The following RBM17 variants were observed in gnomAD, a reference collection of about 807,000 sequenced individuals.
RBM17 encodes the protein RNA binding motif protein 17, also known as splicing factor 45.
In RBM17, 7 loss-of-function variants were observed where a neutral mutation model predicts 53.2. The ratio of observed to expected loss-of-function variants is 0.13; its 90% CI spans 0.07 to 0.25. The LOEUF (loss-of-function observed/expected upper bound fraction) is 0.25, where lower values mean the gene tolerates loss of function less well. RBM17 is among the 10% of genes least tolerant of loss of function. The probability of loss-of-function intolerance (pLI) is 1.00; values close to 1 mark genes in which losing one functional copy is unlikely to be tolerated. For missense variants in RBM17, 257 were observed against 496.7 expected (o/e 0.52, Z 4.59); for synonymous variants, 167 against 178.1 (o/e 0.94, Z 0.50).
chr10:6,090,057 C>G (rs1217785277), intron 1 of RBM17: 1 of 152,252 alleles, frequency 6.6e-6, no homozygotes, highest in Admixed American at 6.6e-5. Context: ...CCCCGTAGTG[C>G]GTTCTGGAAG....
In RBM17 at chr10:6,112,416, C is replaced by G; in HGVS notation, c.856+55C>G. On this transcript the variant is annotated intron_variant, in intron 8 of 11. Transcript: ENST00000379888. The surrounding 1 kb of genome is among the most constrained non-coding windows in gnomAD (Gnocchi z 4.4). ...GGGAAAGGACTGGCCCCATCCATATCAGACATGGCCAGTCTTGATCCTCAT... is the reference window on the plus strand; with the variant it reads ...GGGAAAGGACTGGCCCCATCCATATGAGACATGGCCAGTCTTGATCCTCAT... The G allele has an allele frequency of 1.3e-6, 2 of 1,591,644 alleles. No homozygotes were observed. The highest frequency in any genetic ancestry group is 1.7e-6 in the Non-Finnish European group (2 of 1,163,060).
rs1554834988 is a variant in RBM17 at position 6,098,563 on chromosome 10, G to GTGTTTTTTT, written c.123+1376_123+1377insGTTTTTTTT. ...AATTTCCGTAATACACAGGTTTTTTGTTTTTTTTTTTTTTTTTTTTTTTTT... is the reference window on the plus strand; with the variant it reads ...AATTTCCGTAATACACAGGTTTTTTGTGTTTTTTTTTTTTTTTTTTTTTTTTTTTTTTTT... On this transcript the variant is annotated intron_variant, in intron 2 of 11. Transcript: ENST00000379888. Among the ~76,000 whole-genome samples the GTGTTTTTTT allele has an allele frequency of 2.0e-3, 92 of 46,656 alleles. 4 individuals carry two copies. Among genetic ancestry groups the GTGTTTTTTT allele is most frequent in the East Asian group, 3.9e-3 (9 of 2,318 alleles). 30.6% of individuals were successfully genotyped at this position (46,656 alleles called of 152,430 possible).
intron 5 of RBM17, among the ~76,000 whole-genome samples, chr10:6,107,762 G>T (rs957298960): frequency 3.9e-5 from 6 of 152,118 alleles, no homozygotes; most frequent in Non-Finnish European, 8.8e-5. Context: ...GATTACAGGA[G>T]TGAACCACTG....
At chr10:6,093,391 AT>A (rs1840518480) in intron 1 of RBM17, among the ~76,000 whole-genome samples, 2 of 151,942 alleles carry the variant, frequency 1.3e-5, no homozygotes, top group South Asian at 4.2e-4. Flanking sequence ...GGCTAGTTTT[AT>A]ATTTTTAATA....
chr10:6,112,576 C>T lies in RBM17; in HGVS notation c.856+215C>T. On this transcript the variant is annotated intron_variant, in intron 8 of 11. Transcript: ENST00000379888. The surrounding 1 kb of genome is among the most constrained non-coding windows in gnomAD (Gnocchi z 4.4). ...TGAAACCAGGAATCCTGAGGCTCAT[C>T]TTTATTTTTTCAGAACAGACGTAGA... 1 of 583,960 alleles carries T rather than the reference C, an allele frequency of 1.7e-6. No homozygotes were observed. The highest frequency in any genetic ancestry group is 4.4e-4 in the Middle Eastern group (1 of 2,290). 36.2% of individuals were successfully genotyped at this position (583,960 alleles called of 1,614,324 possible).
Position 6,097,196 on chromosome 10 carries a change from C to G in RBM17, c.123+8C>G. On this transcript the variant is annotated splice_region_variant and intron_variant, in intron 2 of 11. Coordinates refer to ENST00000379888, the MANE Select transcript of RBM17 (RefSeq NM_032905.5). ...GCTCTCACTCAGGCAAAGGTAAAGA[C>G]AAGCCCAGAGCATGAGAGCAGAGGC... The G allele has an allele frequency of 6.2e-7, 1 of 1,613,346 alleles. No individual in the cohort carries two copies.
intron 1 of RBM17, among the ~76,000 whole-genome samples, chr10:6,095,694 GT>G (rs1408034954): frequency 6.6e-6 from 1 of 152,196 alleles, no homozygotes; most frequent in African/African-American, 2.4e-5. Context: ...AGTGGTGACA[GT>G]TTTCTGGGGT....
At chr10:6,107,313 G>A (rs926895819) in intron 5 of RBM17, among the ~76,000 whole-genome samples, 1 of 151,900 alleles carries the variant, frequency 6.6e-6, no homozygotes, top group Admixed American at 6.6e-5. Context: ...GAGTAGCTGG[G>A]ATTACAGGTG....
intron 3 of RBM17, among the ~76,000 whole-genome samples, chr10:6,104,363 TACATCCCCTTGTGTC>T (rs1425854058): frequency 1.3e-5 from 2 of 152,344 alleles, no homozygotes; most frequent in Non-Finnish European, 2.9e-5. Flanking sequence ...GAAGGGACAT[TACATCCCCTTGTGTC>T]AAACTCAGTG....
chr10:6,109,963 C>A, intron 6 of RBM17, 23 bp from the exon 7 acceptor site: 1 of 1,582,026 alleles, frequency 6.3e-7, no homozygotes, highest in Non-Finnish European at 8.6e-7. Flanking sequence ...TTTTGGTGAG[C>A]CTACTTTATT....
chr10:6,115,435 C>A lies in RBM17; in HGVS notation c.1103-18C>A. ...CTTATAGGATACCTGTATTAACTGT[C>A]TTTTGTTTGCCTTTCAGCGGTTGTT... On this transcript the variant is annotated intron_variant, in intron 11 of 11. Transcript: ENST00000379888. 6.3e-7 allele frequency: 1 copy of A among 1,588,118 alleles called. No homozygotes were observed. Among genetic ancestry groups the A allele is most frequent in the Non-Finnish European group, 8.6e-7 (1 of 1,156,406 alleles).
chr10:6,094,647 G>A (rs1255453819), intron 1 of RBM17, among the ~76,000 whole-genome samples: 1 of 152,204 alleles, frequency 6.6e-6, no homozygotes, highest in African/African-American at 2.4e-5. Flanking sequence ...TGCTAAGCTG[G>A]ACACTCAGCA....
intron 1 of RBM17, among the ~76,000 whole-genome samples, chr10:6,093,131 T>G (rs146972546): frequency 1.3e-5 from 2 of 152,374 alleles, no homozygotes; most frequent in East Asian, 1.9e-4. Context: ...AGTTGACTCT[T>G]CTGGGGAGGG....
chr10:6,109,148 G>C (rs1041972577), intron 6 of RBM17, among the ~76,000 whole-genome samples: 2 of 151,754 alleles, frequency 1.3e-5, no homozygotes, highest in African/African-American at 2.4e-5. Context: ...TTTTCTTCCC[G>C]TTCCATTTCA....
Position 6,116,538 on chromosome 10 carries a change from A to G in RBM17, c.*982A>G, listed in dbSNP as rs1840920565. 1 of 152,384 alleles carries G rather than the reference A, an allele frequency of 6.6e-6. No homozygotes were observed. The highest frequency in any genetic ancestry group is 1.5e-5 in the Non-Finnish European group (1 of 68,042). The allele number at this position is 152,384 out of a possible 1,614,324, so 9.4% of individuals were successfully genotyped here. A position where few individuals can be genotyped will look rare whatever the true frequency, so the allele number is the denominator to read the frequency against. ...TTATCAGGACCACAAAAAAGAAAAC[A>G]AAAATATTTGGTACTGAGGTTCATT... On this transcript the variant is annotated 3_prime_UTR_variant, in exon 12 of 12. Transcript: ENST00000379888.
At chr10:6,108,623 C>A in intron 5 of RBM17, 63 bp from the exon 6 acceptor site, 1 of 1,327,172 alleles carries the variant, frequency 7.5e-7, no homozygotes, top group South Asian at 1.2e-5. Flanking sequence ...TATGGTGTGT[C>A]ATAGTCGTTT....
In RBM17 at chr10:6,112,676, G is replaced by A. The variant is rs1469406790; in HGVS notation, c.856+315G>A. ...TGAGTAGTCCTCAGGAAGAAATCTT[G>A]GTTATGTGTTTAGAGCATGAAGGAC... is the stretch of plus-strand genomic sequence containing the variant. On this transcript the variant is annotated intron_variant, in intron 8 of 11. Coordinates refer to ENST00000379888, the MANE Select transcript of RBM17 (RefSeq NM_032905.5). This position sits in a 1 kb window ranked among gnomAD's most constrained non-coding sequence, Gnocchi z 4.4. The A allele has an allele frequency of 2.5e-6, 1 of 395,766 alleles. No individual in the cohort carries two copies. Among genetic ancestry groups the A allele is most frequent in the Non-Finnish European group, 4.8e-6 (1 of 207,442 alleles). 24.5% of individuals were successfully genotyped at this position (395,766 alleles called of 1,614,324 possible).
intron 1 of RBM17, among the ~76,000 whole-genome samples, chr10:6,091,496 T>G (rs1840484017): frequency 6.6e-6 from 1 of 152,204 alleles, no homozygotes; most frequent in Non-Finnish European, 1.5e-5. Flanking sequence ...CGTTATTGGT[T>G]GTGTGGTGGT....
At chr10:6,114,351 C>G (rs1352576433) in intron 10 of RBM17, 1 of 437,114 alleles carries the variant, frequency 2.3e-6, no homozygotes, top group Non-Finnish European at 4.3e-6. Context: ...GATGAAGAAA[C>G]AGGAATGCTT....
Sources: gnomAD v4.1 joint callset for allele counts (sites outside exome capture counted in the v4.1 genomes callset) on GRCh38, gnomAD v4.1.1 for gene constraint, Gnocchi (gnomAD v3.1) non-coding constraint, MANE v1.5 for transcripts, NCBI Gene and HGNC (gene_info 2026-07-23, HGNC 2026-07-21) for gene names.